MID1: variants seen among roughly 807,000 people sequenced by gnomAD.
MID1 encodes midline 1.
Under a neutral mutation model 40.4 loss-of-function variants are expected in MID1, and 7 were observed. The observed-to-expected ratio is 0.17, with a 90% confidence interval of 0.10 to 0.33. The LOEUF is 0.33. MID1 is among the 10% of genes least tolerant of loss of function. The probability of loss-of-function intolerance (pLI) is 1.00; values close to 1 mark genes in which losing one functional copy is unlikely to be tolerated. For missense variants in MID1, 367 were observed against 558.5 expected (o/e 0.66, Z 3.46); for synonymous variants, 229 against 221.2 (o/e 1.04, Z -0.31).
intron 1 of MID1, among the ~76,000 whole-genome samples, chrX:10,636,949 G>C (rs1419939430): frequency 1.9e-5 from 2 of 105,050 alleles, no homozygotes; most frequent in African/African-American, 7.0e-5. Flanking sequence ...AGAAGCATTT[G>C]GGGTGCATTT....
chrX:10,604,064 T>C (rs1384205987), intron 1 of MID1, among the ~76,000 whole-genome samples: 2 of 111,779 alleles, frequency 1.8e-5, no homozygotes, highest in African/African-American at 6.5e-5. Context: ...TTTTAAAGCA[T>C]TTATGCAGCA....
intron 1 of MID1, among the ~76,000 whole-genome samples, chrX:10,667,090 G>C (rs895445613): frequency 3.6e-5 from 4 of 111,420 alleles, no homozygotes; most frequent in Non-Finnish European, 7.5e-5. Flanking sequence ...TAGAAGAACA[G>C]ATTCTGGTAC....
intron 1 of MID1, among the ~76,000 whole-genome samples, chrX:10,802,699 C>T (rs1386384306): frequency 2.7e-5 from 3 of 111,670 alleles, no homozygotes; most frequent in Admixed American, 1.9e-4. Context: ...GAAAGGAAAC[C>T]ATCCTACAAA....
At position 10,723,145 on chromosome X, in the gene MID1, G is replaced by A. The variant is rs1195605861; in HGVS notation, c.-186-102726C>T. Among the ~76,000 whole-genome samples, 4 of 112,186 alleles carry A rather than the reference G, an allele frequency of 3.6e-5. No homozygotes were observed. The East Asian group carries it at 1.1e-3, about 31-fold the overall frequency. ...CCACATGAAATTAGCTTGATTCTGA[G>A]TTGACAGTGGAATCTGAAACCAGCT... On this transcript the variant is annotated intron_variant, in intron 1 of 10. Coordinates refer to the MID1 transcript ENST00000380785.
chrX:10,505,077 G>A (rs902344101), intron 3 of MID1, among the ~76,000 whole-genome samples: 2 of 111,794 alleles, frequency 1.8e-5, no homozygotes, highest in African/African-American at 6.5e-5. Context: ...GAAAATATCT[G>A]TAAACAATCT....
rs1321607113 is a variant in MID1, at chrX:10,562,350, C to T, written c.660+4538G>A. Among the ~76,000 whole-genome samples, 2 of 82,185 alleles carry T rather than the reference C, an allele frequency of 2.4e-5. 1 individual carries two copies. The highest frequency in any genetic ancestry group is 1.1e-4 in the African/African-American group (2 of 18,228). 71.4% of individuals were successfully genotyped at this position (82,185 alleles called of 115,157 possible). A position where few individuals can be genotyped will look rare whatever the true frequency, so the allele number is the denominator to read the frequency against. On this transcript the variant is annotated intron_variant, in intron 2 of 9. Transcript: ENST00000317552. Reference sequence around the variant, plus strand: ...TGTATACTTATGTAATAAATCTGCACATGTGTCCCAGAACTTAAAGTAAAA... The same window carrying T: ...TGTATACTTATGTAATAAATCTGCATATGTGTCCCAGAACTTAAAGTAAAA...
intron 3 of MID1, chrX:10,505,326 C>A: frequency 2.7e-6 from 2 of 750,503 alleles, no homozygotes; most frequent in South Asian, 1.4e-4. Flanking sequence ...GCATCAATAT[C>A]ACAGCCTTTT....
chrX:10,805,874 G>A (rs2147148699), intron 1 of MID1, among the ~76,000 whole-genome samples: 1 of 109,583 alleles, frequency 9.1e-6, no homozygotes, highest in South Asian at 4.0e-4. Context: ...GTCTTCTTTT[G>A]ACAAGTGTCT....
At chrX:10,612,953 T>C (rs1296665990) in intron 1 of MID1, among the ~76,000 whole-genome samples, 1 of 112,196 alleles carries the variant, frequency 8.9e-6, no homozygotes, top group Non-Finnish European at 1.9e-5. Flanking sequence ...TTAACCAGTA[T>C]TCTTAGTCTG....
At chrX:10,550,210 C>T (rs187222182) in intron 2 of MID1, among the ~76,000 whole-genome samples, 7 of 112,230 alleles carry the variant, frequency 6.2e-5, no homozygotes, top group African/African-American at 2.3e-4. Flanking sequence ...CTGCAGACTC[C>T]CCACTTGGAG....
intron 1 of MID1, among the ~76,000 whole-genome samples, chrX:10,574,269 C>T (rs1314456064): frequency 2.7e-5 from 3 of 111,024 alleles, no homozygotes; most frequent in African/African-American, 9.8e-5. Context: ...AAAGACTCGA[C>T]CAGCCATGCC....
At chrX:10,817,107 C>T (rs1453664629) in intron 1 of MID1, among the ~76,000 whole-genome samples, 1 of 112,011 alleles carries the variant, frequency 8.9e-6, no homozygotes, top group Non-Finnish European at 1.9e-5. Context: ...TCTGGCACTT[C>T]CACAGAAAGG....
intron 5 of MID1, among the ~76,000 whole-genome samples, chrX:10,481,005 T>C (rs1186496736): frequency 1.8e-5 from 2 of 112,067 alleles, no homozygotes; most frequent in South Asian, 3.7e-4. Flanking sequence ...TAAATTTGAG[T>C]CATAAGATGG....
chrX:10,458,300 TCTTTTTGA>T (rs1037341897), intron 8 of MID1, among the ~76,000 whole-genome samples: 13 of 112,166 alleles, frequency 1.2e-4, no homozygotes, highest in African/African-American at 4.2e-4. Flanking sequence ...TTTGAGAGGG[TCTTTTTGA>T]CAACTCATAA....
At position 10,650,835 on chromosome X, in the gene MID1, G is replaced by A. The variant is rs945222449; in HGVS notation, c.-186-30416C>T. Among the ~76,000 whole-genome samples, 24 of 110,617 alleles carry A rather than the reference G, an allele frequency of 2.2e-4. No homozygotes were observed. In the South Asian group the frequency reaches 3.5e-3, roughly 16 times the overall value. On this transcript the variant is annotated intron_variant, in intron 1 of 10. Coordinates refer to the MID1 transcript ENST00000380785. ...ATTTTTCAACAAACCTTCCAAGGGC[G>A]AAGGGAAAGCTTTCCCTTTGCCCCT...
intron 1 of MID1, among the ~76,000 whole-genome samples, chrX:10,648,005 T>G (rs1936279317): frequency 8.9e-6 from 1 of 112,192 alleles, no homozygotes. Context: ...CTGTTCCAGT[T>G]CTGACTTTTT....
intron 7 of MID1, among the ~76,000 whole-genome samples, chrX:10,465,214 T>TATACACAC (rs1477864693): frequency 1.8e-3 from 73 of 39,880 alleles, no homozygotes; most frequent in African/African-American, 7.8e-3. Context: ...TATATATATA[T>TATACACAC]ACACACACAC....
At chrX:10,553,190 G>A (rs1312943603) in intron 2 of MID1, among the ~76,000 whole-genome samples, 2 of 109,180 alleles carry the variant, frequency 1.8e-5, no homozygotes, top group Non-Finnish European at 3.8e-5. Flanking sequence ...GGAGGTTGCA[G>A]TGAGCCGAGA....
chrX:10,606,301 A>G (rs1935624889), intron 1 of MID1, among the ~76,000 whole-genome samples: 1 of 111,271 alleles, frequency 9.0e-6, no homozygotes, highest in East Asian at 2.8e-4. Flanking sequence ...ATATTTATAT[A>G]CCAAATGTAA....
Sources: allele counts gnomAD v4.1 joint callset (sites outside exome capture counted in the v4.1 genomes callset), GRCh38; gene constraint gnomAD v4.1.1; transcripts MANE v1.5; gene names NCBI Gene and HGNC (gene_info 2026-07-23, HGNC 2026-07-21).